Variants in LDLRAD4 observed in about 807,000 individuals in gnomAD.
LDLRAD4 encodes low-density lipoprotein receptor class A domain-containing protein 4.
Under a neutral mutation model 17.0 loss-of-function variants are expected in LDLRAD4, and 5 were observed. The ratio of observed to expected loss-of-function variants is 0.29; its 90% CI spans 0.15 to 0.62. The LOEUF (loss-of-function observed/expected upper bound fraction) is 0.62, where lower values mean the gene tolerates loss of function less well. LDLRAD4 is among the 20% of genes least tolerant of loss of function. The pLI is 0.84. For missense variants in LDLRAD4, 340 were observed against 424.7 expected (o/e 0.80, Z 1.75); for synonymous variants, 168 against 171.8 (o/e 0.98, Z 0.17).
intron 1 of LDLRAD4, among the ~76,000 whole-genome samples, chr18:13,310,062 C>T (rs913768448): frequency 4.0e-5 from 6 of 151,814 alleles, no homozygotes; most frequent in East Asian, 3.9e-4. Flanking sequence ...CATTGAACCT[C>T]GGCATGGTGT....
At chr18:13,327,738 G>A (rs775709762) in intron 1 of LDLRAD4, among the ~76,000 whole-genome samples, 17 of 152,256 alleles carry the variant, frequency 1.1e-4, no homozygotes, top group Non-Finnish European at 1.8e-4. Context: ...TTGAGAAGCC[G>A]GAGATGGTGG....
chr18:13,408,439 A>G (rs1260866157), intron 2 of LDLRAD4, among the ~76,000 whole-genome samples: 1 of 151,658 alleles, frequency 6.6e-6, no homozygotes, highest in Non-Finnish European at 1.5e-5. Flanking sequence ...AAAACCAGTC[A>G]ATAGAAGGCA....
intron 1 of LDLRAD4, among the ~76,000 whole-genome samples, chr18:13,339,779 A>G (rs2082278864): frequency 6.6e-6 from 1 of 152,228 alleles, no homozygotes; most frequent in African/African-American, 2.4e-5. Context: ...TTATTGTAGT[A>G]AAATATATAT....
exon 6 of LDLRAD4, chr18:13,648,803 C>T (rs1000754954): frequency 2.0e-5 from 3 of 152,112 alleles, no homozygotes; most frequent in Non-Finnish European, 2.9e-5. Context: ...GTCCCTTGTT[C>T]CCGGTGTAGG....
intron 1 of LDLRAD4, among the ~76,000 whole-genome samples, chr18:13,227,040 C>G (rs1159440574): frequency 6.6e-6 from 1 of 152,158 alleles, no homozygotes; most frequent in Non-Finnish European, 1.5e-5. Flanking sequence ...GCTAGTCTTG[C>G]CCCTAAGGAT....
At chr18:13,297,190 G>A (rs1280475414) in intron 1 of LDLRAD4, among the ~76,000 whole-genome samples, 1 of 152,224 alleles carries the variant, frequency 6.6e-6, no homozygotes, top group Admixed American at 6.5e-5. Flanking sequence ...TGTCCCCGAG[G>A]ATGTTCGCTG....
intron 1 of LDLRAD4, among the ~76,000 whole-genome samples, chr18:13,304,970 G>A (rs938584747): frequency 1.3e-5 from 2 of 152,010 alleles, no homozygotes; most frequent in African/African-American, 2.4e-5. Context: ...GTTGACTCTT[G>A]TACAACATGG....
chr18:13,508,858 A>G (rs1397857168), intron 3 of LDLRAD4, among the ~76,000 whole-genome samples: 1 of 152,206 alleles, frequency 6.6e-6, no homozygotes, highest in Non-Finnish European at 1.5e-5. Context: ...TTTAAGTCTT[A>G]TTCTTTAAGA....
upstream of LDLRAD4, among the ~76,000 whole-genome samples, chr18:13,277,628 G>C (rs552075315): frequency 6.6e-6 from 1 of 152,376 alleles, no homozygotes; most frequent in Non-Finnish European, 1.5e-5. Flanking sequence ...CATGAAATCA[G>C]ACATGTATTT....
intron 3 of LDLRAD4, among the ~76,000 whole-genome samples, chr18:13,566,188 C>G (rs186291747): frequency 1.7e-3 from 266 of 152,238 alleles, no homozygotes; most frequent in African/African-American, 6.2e-3. Context: ...ATGAGACCCC[C>G]GTCAGTGCTG....
chr18:13,486,182 G>A (rs2093218220), intron 3 of LDLRAD4, among the ~76,000 whole-genome samples: 3 of 152,204 alleles, frequency 2.0e-5, no homozygotes. Context: ...ATGTTGGGCT[G>A]CGGAACCCAC....
intron 1 of LDLRAD4, among the ~76,000 whole-genome samples, chr18:13,381,169 A>G (rs2085333665): frequency 6.9e-6 from 1 of 145,980 alleles, no homozygotes; most frequent in Non-Finnish European, 1.5e-5. Flanking sequence ...CTTTGAACTC[A>G]TGGGCTCAAG....
chr18:13,648,615 T>C (rs2043107662), exon 6 of LDLRAD4: 2 of 152,240 alleles, frequency 1.3e-5, no homozygotes, highest in Non-Finnish European at 2.9e-5. Context: ...TGGGGCCTAT[T>C]GTTCTTTCAA....
At chr18:13,397,969 C>G (rs771481987) in intron 2 of LDLRAD4, among the ~76,000 whole-genome samples, 1 of 152,204 alleles carries the variant, frequency 6.6e-6, no homozygotes, top group Non-Finnish European at 1.5e-5. Flanking sequence ...CATATGTGGC[C>G]GTGTGTGCTC....
At chr18:13,627,784 C>T (rs1173934299) in intron 4 of LDLRAD4, among the ~76,000 whole-genome samples, 9 of 152,226 alleles carry the variant, frequency 5.9e-5, no homozygotes, top group Middle Eastern at 3.2e-3. Flanking sequence ...ATGGGCTCCC[C>T]GCTCTCTGAG....
chr18:13,568,466 C>G (rs2094637855), intron 3 of LDLRAD4, among the ~76,000 whole-genome samples: 1 of 152,096 alleles, frequency 6.6e-6, no homozygotes, highest in Non-Finnish European at 1.5e-5. Flanking sequence ...GAACTCCAGC[C>G]AGGACACTCA....
At chr18:13,596,907 T>A (rs955659317) in intron 3 of LDLRAD4, among the ~76,000 whole-genome samples, 1 of 152,242 alleles carries the variant, frequency 6.6e-6, no homozygotes, top group Non-Finnish European at 1.5e-5. Context: ...CAATTACTTA[T>A]GCATATATTT....
chr18:13,467,922 A>G (rs1453712595), intron 3 of LDLRAD4, among the ~76,000 whole-genome samples: 1 of 152,216 alleles, frequency 6.6e-6, no homozygotes, highest in Non-Finnish European at 1.5e-5. Context: ...ATGCTGGGGC[A>G]ACTGGGTTCC....
rs187745188 is a variant in LDLRAD4, at chr18:13,571,738, G to A, written c.182-49379G>A. On this transcript the variant is annotated intron_variant, in intron 3 of 5. Transcript: ENST00000359446. ...TGCAAGCTCCGCCTCCCGGGTTCAC[G>A]TCATTCTCCCGCCTCAGCCTCCCAA... Among the ~76,000 whole-genome samples, 1,181 of 152,284 alleles carry A rather than the reference G, an allele frequency of 7.8e-3. 18 individuals carry two copies. Among genetic ancestry groups the A allele is most frequent in the African/African-American group, 0.026 (1,087 of 41,566 alleles).
Sources: allele counts gnomAD v4.1 joint callset (sites outside exome capture counted in the v4.1 genomes callset), GRCh38; gene constraint gnomAD v4.1.1; transcripts MANE v1.5; gene names NCBI Gene and HGNC (gene_info 2026-07-23, HGNC 2026-07-21).